PCDHGA6: variants seen among roughly 807,000 people sequenced by gnomAD.
PCDHGA6 encodes protocadherin gamma subfamily A, 6.
PCDHGA6 carries 41 observed loss-of-function variants against 60.6 expected under a neutral mutation model. The ratio of observed to expected loss-of-function variants is 0.68; its 90% CI spans 0.53 to 0.88. PCDHGA6 has a LOEUF of 0.88. Among genes scored for constraint, PCDHGA6 ranks in the 40% least tolerant of loss-of-function variants. The pLI, the probability that PCDHGA6 is intolerant of heterozygous loss-of-function variation, is 0.00. For synonymous variants in PCDHGA6, 594 were observed against 524.4 expected, an observed-to-expected ratio of 1.13 and a Z score of -1.81; for missense variants, 1,312 against 1,203.0, an observed-to-expected ratio of 1.09 and a Z score of -1.34.
intron 1 of PCDHGA6, among the ~76,000 whole-genome samples, chr5:141,464,723 T>A (rs1166321691): frequency 6.6e-6 from 1 of 152,156 alleles, no homozygotes; most frequent in Non-Finnish European, 1.5e-5. Flanking sequence ...TTTCATATGT[T>A]TAAAAGCCAG....
chr5:141,511,115 A>G lies in PCDHGA6; in HGVS notation c.2741A>G (p.Lys914Arg). 6.2e-7 allele frequency: 1 copy of G among 1,614,214 alleles called. No individual in the cohort carries two copies. Among genetic ancestry groups the G allele is most frequent in the Non-Finnish European group, 8.5e-7 (1 of 1,180,006 alleles). ...AACGCAGCTGGCAAGCGGGATGGCA[A>G]GGCCCCAGCAGGTGGCAATGGCAAC... Reference protein sequence around the residue: ...LTNAAGKRDGKAPAGGNGNKK... With the variant: ...LTNAAGKRDGRAPAGGNGNKK... Residue 914 changes from lysine (K) to arginine (R), a missense_variant, in exon 4 of 4, where the codon AAG becomes AGG. Coordinates refer to ENST00000517434, the MANE Select transcript of PCDHGA6 (RefSeq NM_018919.3).
intron 1 of PCDHGA6, chr5:141,377,893 TC>T (rs1774447878): frequency 6.6e-6 from 1 of 152,178 alleles, no homozygotes; most frequent in Admixed American, 6.5e-5. Flanking sequence ...AGGATCCCCC[TC>T]TGTTGCCCAG....
chr5:141,457,168 C>T (rs10072917), intron 1 of PCDHGA6, among the ~76,000 whole-genome samples: 42,426 of 152,004 alleles, frequency 0.28, 6,644 homozygotes, highest in African/African-American at 0.43. Context: ...ATGGATAACC[C>T]TATTGCAAAT....
In PCDHGA6 at chr5:141,408,560, A is replaced by G. The variant is rs368143982; in HGVS notation, c.2424+32053A>G. The G allele has an allele frequency of 6.3e-5, 102 of 1,613,910 alleles. No homozygotes were observed. Among genetic ancestry groups the G allele is most frequent in the Non-Finnish European group, 8.4e-5 (99 of 1,179,898 alleles). On this transcript the variant is annotated intron_variant, in intron 1 of 3. Coordinates refer to ENST00000517434, the MANE Select transcript of PCDHGA6 (RefSeq NM_018919.3). ...AAATCCTTTAAATATTTTTCATGTC[A>G]TTGTGGTGATTGAGGATGTTAATGA... is the stretch of plus-strand genomic sequence containing the variant.
intron 1 of PCDHGA6, among the ~76,000 whole-genome samples, chr5:141,469,914 C>T (rs1451982311): frequency 6.6e-6 from 1 of 152,082 alleles, no homozygotes. Flanking sequence ...GCAGACCACC[C>T]GAGGTCAGGA....
In PCDHGA6 at chr5:141,431,955, GA is replaced by G; in HGVS notation, c.2424+55451del. ...CCCTTTAAATTAGAAAAATCTTACG[GA>G]AATTACTATAGTTTAGTCACAGACA... On this transcript the variant is annotated intron_variant, in intron 1 of 3. Coordinates refer to ENST00000517434, the MANE Select transcript of PCDHGA6 (RefSeq NM_018919.3). The surrounding 1 kb of genome is among the most constrained non-coding windows in gnomAD (Gnocchi z 4.8). The G allele has an allele frequency of 6.2e-7, 1 of 1,614,142 alleles. No homozygotes were observed. Among genetic ancestry groups the G allele is most frequent in the Non-Finnish European group, 8.5e-7 (1 of 1,180,024 alleles).
intron 1 of PCDHGA6, chr5:141,421,248 C>G: frequency 1.2e-6 from 2 of 1,604,936 alleles, no homozygotes; most frequent in Middle Eastern, 1.7e-4. Flanking sequence ...GGCTACAGCG[C>G]GGGGACCGCA....
chr5:141,403,181 C>G (rs1182793881), intron 1 of PCDHGA6: 2 of 1,614,006 alleles, frequency 1.2e-6, no homozygotes, highest in Non-Finnish European at 1.7e-6. Context: ...GCTTTTCTCT[C>G]TGAACCCGCG....
rs756332070 is a variant in PCDHGA6, at chr5:141,431,578, C to A, written c.2424+55071C>A. The stretch of plus-strand genomic sequence containing the variant: ...ACGCTACCGACCCTGACGAAGGAGT[C>A]AATGCGGAAGTGAGGTATTCCTTCC... On this transcript the variant is annotated intron_variant, in intron 1 of 3. Transcript: ENST00000517434. This position sits in a 1 kb window ranked among gnomAD's most constrained non-coding sequence, Gnocchi z 4.8. 6.2e-7 allele frequency: 1 copy of A among 1,614,164 alleles called. No homozygotes were observed. Among genetic ancestry groups the A allele is most frequent in the African/African-American group, 1.3e-5 (1 of 75,060 alleles).
At chr5:141,389,736 G>C in intron 1 of PCDHGA6, 1 of 1,612,710 alleles carries the variant, frequency 6.2e-7, no homozygotes, top group Non-Finnish European at 8.5e-7. Context: ...CTTCAGCCTG[G>C]GGCTGCGCAC....
At chr5:141,472,620 A>G (rs2099290656) in intron 1 of PCDHGA6, among the ~76,000 whole-genome samples, 1 of 152,136 alleles carries the variant, frequency 6.6e-6, no homozygotes, top group Admixed American at 6.5e-5. Context: ...AGAAGAAAAA[A>G]GATAAAGACT....
intron 1 of PCDHGA6, chr5:141,404,943 T>C: frequency 1.2e-6 from 2 of 1,613,914 alleles, no homozygotes; most frequent in Non-Finnish European, 8.5e-7. Context: ...ACAGTAGCCA[T>C]AGCTGACAGC....
chr5:141,415,755 T>C (rs753465209), intron 1 of PCDHGA6: 19 of 1,387,632 alleles, frequency 1.4e-5, no homozygotes, highest in Middle Eastern at 2.6e-4. Flanking sequence ...TTTTTTTTTT[T>C]TTTTTTTTTT....
intron 2 of PCDHGA6, among the ~76,000 whole-genome samples, chr5:141,501,802 C>T (rs2099811151): frequency 1.3e-5 from 2 of 152,154 alleles, no homozygotes; most frequent in Non-Finnish European, 2.9e-5. Context: ...ATCTCTTACC[C>T]AGCTTCACAT....
At chr5:141,449,000 T>G (rs1424736421) in intron 1 of PCDHGA6, among the ~76,000 whole-genome samples, 1 of 151,774 alleles carries the variant, frequency 6.6e-6, no homozygotes, top group African/African-American at 2.4e-5. Context: ...TAGAAAGCTG[T>G]TTTTTTTAAC....
Position 141,477,029 on chromosome 5 carries a change from A to T in PCDHGA6, c.2425-17778A>T, listed in dbSNP as rs754045855. ...CTTAGACCTTGTAACCGGGATGCTG[A>T]CAATCAAGGGTCGGCTGGACTTCGA... On this transcript the variant is annotated intron_variant, in intron 1 of 3. Transcript: ENST00000517434. This position sits in a 1 kb window ranked among gnomAD's most constrained non-coding sequence, Gnocchi z 4.9. 2 of 1,614,238 alleles carry T rather than the reference A, an allele frequency of 1.2e-6. No homozygotes were observed. The highest frequency in any genetic ancestry group is 3.3e-5 in the Admixed American group (2 of 60,028).
chr5:141,386,595 A>C (rs77368271), intron 1 of PCDHGA6, among the ~76,000 whole-genome samples: 1 of 146,110 alleles, frequency 6.8e-6, no homozygotes, highest in African/African-American at 2.5e-5. Context: ...TGGGGGATAC[A>C]TTTTTTTTTT....
At chr5:141,384,893 C>G in intron 1 of PCDHGA6, 2 of 1,613,890 alleles carry the variant, frequency 1.2e-6, no homozygotes, top group Non-Finnish European at 1.7e-6. Context: ...GTGGCTGTGG[C>G]TGACAGCATC....
chr5:141,408,773 T>C, intron 1 of PCDHGA6: 1 of 1,611,652 alleles, frequency 6.2e-7, no homozygotes, highest in Non-Finnish European at 8.5e-7. Flanking sequence ...TGGTGGCAAA[T>C]ACCCAGAGTT....
Sources: gnomAD v4.1 joint callset for allele counts (sites outside exome capture counted in the v4.1 genomes callset) on GRCh38, gnomAD v4.1.1 for gene constraint, Gnocchi (gnomAD v3.1) non-coding constraint, MANE v1.5 for transcripts, NCBI Gene and HGNC (gene_info 2026-07-23, HGNC 2026-07-21) for gene names.